Variants in NALF1 observed in about 807,000 individuals in gnomAD.
NALF1 encodes the protein NALCN channel auxiliary factor 1.
A neutral mutation model predicts 48.4 loss-of-function variants in NALF1; 3 were observed. The ratio of observed to expected loss-of-function variants is 0.06; its 90% CI spans 0.03 to 0.16. The LOEUF (loss-of-function observed/expected upper bound fraction) is 0.16, where lower values mean the gene tolerates loss of function less well. Among genes scored for constraint, NALF1 ranks in the 10% least tolerant of loss-of-function variants. The pLI is 1.00. For missense variants in NALF1, 526 were observed against 571.5 expected (o/e 0.92, Z 0.81); for synonymous variants, 262 against 245.7 (o/e 1.07, Z -0.62).
chr13:107,723,204 T>C lies in NALF1; in HGVS notation c.915+142478A>G, dbSNP rs1336984066. On this transcript the variant is annotated intron_variant, in intron 1 of 2. Coordinates refer to ENST00000375915, the MANE Select transcript of NALF1 (RefSeq NM_001080396.3). ...TATGATGACCCAGTACCAGAATCCC[T>C]TGCTGCTTTTGTGGTTCCTGACTTT... is the stretch of plus-strand genomic sequence containing the variant. Among the ~76,000 whole-genome samples the C allele has an allele frequency of 1.8e-4, 27 of 152,182 alleles. 1 individual carries two copies.
chr13:107,204,781 A>G (rs564415348), intron 2 of NALF1, among the ~76,000 whole-genome samples: 2 of 152,228 alleles, frequency 1.3e-5, no homozygotes, highest in African/African-American at 4.8e-5. Flanking sequence ...ACTTTGACAT[A>G]TTTATTAAAA....
chr13:107,768,831 A>C (rs911529360), intron 1 of NALF1, among the ~76,000 whole-genome samples: 16 of 152,158 alleles, frequency 1.1e-4, no homozygotes, highest in African/African-American at 3.4e-4. Context: ...ATGAACTCAA[A>C]CAAATTTACA....
At chr13:107,320,655 G>A (rs1438467775) in intron 1 of NALF1, among the ~76,000 whole-genome samples, 7 of 152,042 alleles carry the variant, frequency 4.6e-5, no homozygotes, top group Non-Finnish European at 1.5e-5. Flanking sequence ...GTTGGTTTAT[G>A]GACATTCACT....
intron 1 of NALF1, among the ~76,000 whole-genome samples, chr13:107,412,079 ACTCACATC>A: frequency 6.6e-6 from 1 of 152,226 alleles, no homozygotes; most frequent in South Asian, 2.1e-4. Context: ...TGTATGTTAA[ACTCACATC>A]CTCACAGCGA....
intron 1 of NALF1, among the ~76,000 whole-genome samples, chr13:107,350,082 G>A (rs1239570171): frequency 2.0e-5 from 3 of 152,112 alleles, no homozygotes; most frequent in Admixed American, 2.0e-4. Context: ...CTGATCTGAC[G>A]GGAGGCAGAG....
At chr13:107,531,527 T>A (rs1876639782) in intron 1 of NALF1, among the ~76,000 whole-genome samples, 1 of 152,104 alleles carries the variant, frequency 6.6e-6, no homozygotes, top group African/African-American at 2.4e-5. Flanking sequence ...AATTATGCAA[T>A]CACAGGTATT....
chr13:107,773,216 T>C (rs1877628240), intron 1 of NALF1, among the ~76,000 whole-genome samples: 1 of 152,204 alleles, frequency 6.6e-6, no homozygotes, highest in South Asian at 2.1e-4. Context: ...ACCTTGATCA[T>C]ACTCCAGTTT....
At chr13:107,591,754 A>G (rs1878608126) in intron 1 of NALF1, among the ~76,000 whole-genome samples, 1 of 152,078 alleles carries the variant, frequency 6.6e-6, no homozygotes, top group Admixed American at 6.6e-5. Flanking sequence ...TCAAACGCGA[A>G]GATATATTTA....
At chr13:107,698,421 T>C (rs2138509681) in intron 1 of NALF1, among the ~76,000 whole-genome samples, 1 of 152,278 alleles carries the variant, frequency 6.6e-6, no homozygotes, top group African/African-American at 2.4e-5. Flanking sequence ...AGGGAAAATC[T>C]TCAAACTGTT....
At chr13:107,558,339 C>T (rs1236315424) in intron 1 of NALF1, among the ~76,000 whole-genome samples, 1 of 151,882 alleles carries the variant, frequency 6.6e-6, no homozygotes, top group Non-Finnish European at 1.5e-5. Context: ...TAGAAGTAAG[C>T]TCTTCTTTGT....
chr13:107,270,369 T>A (rs1422771530), intron 1 of NALF1, among the ~76,000 whole-genome samples: 4 of 152,112 alleles, frequency 2.6e-5, no homozygotes, highest in African/African-American at 9.7e-5. Flanking sequence ...TAGGAAAAAC[T>A]ATACATTTTA....
intron 1 of NALF1, among the ~76,000 whole-genome samples, chr13:107,513,580 T>C (rs968664528): frequency 2.4e-4 from 37 of 151,048 alleles, no homozygotes; most frequent in Non-Finnish European, 8.9e-5. Flanking sequence ...AGGATGAAGG[T>C]AAACGTAATA....
chr13:107,173,522 A>G (rs1878847715), intron 2 of NALF1, among the ~76,000 whole-genome samples: 1 of 152,112 alleles, frequency 6.6e-6, no homozygotes, highest in Admixed American at 6.6e-5. Flanking sequence ...GAAGTGTTCT[A>G]TCAGTTCTTT....
At chr13:107,342,749 G>C (rs1454227783) in intron 1 of NALF1, among the ~76,000 whole-genome samples, 1 of 152,064 alleles carries the variant, frequency 6.6e-6, no homozygotes, top group Non-Finnish European at 1.5e-5. Flanking sequence ...ACCTATAGAA[G>C]AGATATAAAA....
At chr13:107,820,089 G>C (rs548842792) in intron 1 of NALF1, among the ~76,000 whole-genome samples, 1 of 152,268 alleles carries the variant, frequency 6.6e-6, no homozygotes, top group Admixed American at 6.5e-5. Context: ...AGAACCCCAA[G>C]TACCCTTCTT....
chr13:107,628,104 C>T (rs557478382), intron 1 of NALF1, among the ~76,000 whole-genome samples: 1 of 152,146 alleles, frequency 6.6e-6, no homozygotes, highest in East Asian at 1.9e-4. Flanking sequence ...TTCTTTCTAT[C>T]CTGTATGACT....
intron 1 of NALF1, among the ~76,000 whole-genome samples, chr13:107,301,200 T>C (rs1881830399): frequency 6.6e-6 from 1 of 152,232 alleles, no homozygotes; most frequent in African/African-American, 2.4e-5. Flanking sequence ...TTGTGGTTAC[T>C]CACTGTGCTG....
At chr13:107,632,069 C>T (rs994119335) in intron 1 of NALF1, among the ~76,000 whole-genome samples, 2 of 152,228 alleles carry the variant, frequency 1.3e-5, no homozygotes, top group South Asian at 4.1e-4. Flanking sequence ...ATTGTATTAT[C>T]AAAGATGTTT....
At chr13:107,406,287 T>C (rs558474891) in intron 1 of NALF1, among the ~76,000 whole-genome samples, 2 of 152,056 alleles carry the variant, frequency 1.3e-5, no homozygotes, top group East Asian at 3.9e-4. Flanking sequence ...TCAAAAGACA[T>C]CAAGTGGATG....
Sources: allele counts gnomAD v4.1 joint callset (sites outside exome capture counted in the v4.1 genomes callset), GRCh38; gene constraint gnomAD v4.1.1; transcripts MANE v1.5; gene names NCBI Gene and HGNC (gene_info 2026-07-23, HGNC 2026-07-21).